GRIK1: variants seen among roughly 807,000 people sequenced by gnomAD.
GRIK1 encodes the protein glutamate receptor ionotropic, kainate 1.
GRIK1 carries 69 observed loss-of-function variants against 105.7 expected under a neutral mutation model. That is an observed-to-expected ratio of 0.65 (90% CI 0.54 to 0.80). The LOEUF (loss-of-function observed/expected upper bound fraction) is 0.80. Ranked by LOEUF, GRIK1 falls within the 30% of genes least tolerant of loss-of-function variation. GRIK1 has a pLI of 0.00. For synonymous variants in GRIK1, 438 were observed against 431.3 expected, an observed-to-expected ratio of 1.02 and a Z score of -0.19; for missense variants, 1,109 against 1,167.3, an observed-to-expected ratio of 0.95 and a Z score of 0.73.
chr21:29,601,219 C>G, intron 7 of GRIK1: 1 of 510,986 alleles, frequency 2.0e-6, no homozygotes, highest in Non-Finnish European at 3.9e-6. Context: ...TACTCTCTGC[C>G]TGACTGACAG....
chr21:29,736,557 A>T (rs2064796822), intron 1 of GRIK1, among the ~76,000 whole-genome samples: 1 of 151,552 alleles, frequency 6.6e-6, no homozygotes, highest in African/African-American at 2.4e-5. Flanking sequence ...AACCTTAAGG[A>T]TATGTTTCAT....
At chr21:29,715,825 T>C (rs1434825875) in intron 1 of GRIK1, among the ~76,000 whole-genome samples, 1 of 151,970 alleles carries the variant, frequency 6.6e-6, no homozygotes, top group Non-Finnish European at 1.5e-5. Context: ...TCAAGCACAA[T>C]GTTAAGTTCT....
chr21:29,596,536 A>G lies in GRIK1; in HGVS notation c.1241T>C (p.Val414Ala), dbSNP rs759131327. ...TGTCAGAGTACAAACCTTCTTCCAC[A>G]CTTTATACAAGTGTTTAGACACTTC... The part of the protein sequence containing the change: ...AGEVSKHLYK[V>A]WKKIGIWNSN... The change falls in exon 9 of 18, where the codon GTG becomes GCG. Residue 414 changes from valine (V) to alanine (A), a missense_variant. This residue lies in a region of GRIK1 where 612 missense variants were observed against 586.0 expected (regional missense o/e 1.04). Transcript: ENST00000327783. 4 of 1,609,082 alleles carry G rather than the reference A, an allele frequency of 2.5e-6. No individual in the cohort carries two copies. The highest frequency in any genetic ancestry group is 1.7e-6 in the Non-Finnish European group (2 of 1,175,444).
chr21:29,830,585 A>T (rs1276943554), intron 1 of GRIK1, among the ~76,000 whole-genome samples: 1 of 152,136 alleles, frequency 6.6e-6, no homozygotes, highest in Non-Finnish European at 1.5e-5. Flanking sequence ...CATGAAGCTC[A>T]GAGTCTTATA....
chr21:29,646,888 C>T (rs181767589), intron 6 of GRIK1, among the ~76,000 whole-genome samples: 1 of 151,810 alleles, frequency 6.6e-6, no homozygotes, highest in Non-Finnish European at 1.5e-5. Flanking sequence ...TCTTATTGCC[C>T]AGGCTAGAGT....
chr21:29,722,732 A>T (rs2064354623), intron 1 of GRIK1, among the ~76,000 whole-genome samples: 1 of 152,146 alleles, frequency 6.6e-6, no homozygotes, highest in Non-Finnish European at 1.5e-5. Context: ...AGAAAACAAA[A>T]ATATTATTAA....
At chr21:29,857,384 C>G (rs1462810343) in intron 1 of GRIK1, among the ~76,000 whole-genome samples, 1 of 152,176 alleles carries the variant, frequency 6.6e-6, no homozygotes, top group African/African-American at 2.4e-5. Flanking sequence ...GGCGAGAATG[C>G]AGGAGTCAGT....
intron 1 of GRIK1, among the ~76,000 whole-genome samples, chr21:29,784,000 T>G (rs1179018925): frequency 6.6e-6 from 1 of 152,172 alleles, no homozygotes; most frequent in East Asian, 1.9e-4. Context: ...TGGCGTGACC[T>G]TGGCTCACTG....
At chr21:29,901,656 G>T (rs1420896136) in intron 1 of GRIK1, among the ~76,000 whole-genome samples, 2 of 152,080 alleles carry the variant, frequency 1.3e-5, no homozygotes, top group Admixed American at 6.6e-5. Context: ...ATAATTAATA[G>T]CCTACCAACC....
chr21:29,564,190 C>G (rs896524760), intron 14 of GRIK1, among the ~76,000 whole-genome samples: 15 of 152,066 alleles, frequency 9.9e-5, no homozygotes, highest in Non-Finnish European at 1.8e-4. Flanking sequence ...CTCTGTCGCC[C>G]AGGCTGGAGT....
intron 6 of GRIK1, among the ~76,000 whole-genome samples, chr21:29,647,427 C>T (rs2062642268): frequency 6.6e-6 from 1 of 152,130 alleles, no homozygotes; most frequent in South Asian, 2.1e-4. Flanking sequence ...TTTCTTTCAT[C>T]GCTGGAGTAG....
At chr21:29,842,256 T>C (rs2068003828) in intron 1 of GRIK1, among the ~76,000 whole-genome samples, 1 of 152,164 alleles carries the variant, frequency 6.6e-6, no homozygotes, top group African/African-American at 2.4e-5. Flanking sequence ...ACCAGAAATG[T>C]AATACAGTTC....
intron 7 of GRIK1, among the ~76,000 whole-genome samples, chr21:29,600,818 A>G (rs149988941): frequency 6.6e-6 from 1 of 152,274 alleles, no homozygotes; most frequent in East Asian, 1.9e-4. Flanking sequence ...GGCTATTACT[A>G]TCTCACGTTT....
At position 29,795,870 on chromosome 21, in the gene GRIK1, C is replaced by T. The variant is rs375413860; in HGVS notation, c.119-101807G>A. On this transcript the variant is annotated intron_variant, in intron 1 of 17. Coordinates refer to ENST00000327783, the MANE Select transcript of GRIK1 (RefSeq NM_001330994.2). ...GCTATCAACTTTTTCTTTTTTTCTGCTTGTAAGTCTGTCTAACTTGTCTCA... is the reference window on the plus strand; with the variant it reads ...GCTATCAACTTTTTCTTTTTTTCTGTTTGTAAGTCTGTCTAACTTGTCTCA... Among the ~76,000 whole-genome samples the T allele has an allele frequency of 2.6e-5, 4 of 151,860 alleles. No individual in the cohort carries two copies. The East Asian group carries it at 7.7e-4, about 29-fold the overall frequency.
intron 4 of GRIK1, among the ~76,000 whole-genome samples, chr21:29,671,704 G>A (rs1242814417): frequency 1.3e-5 from 2 of 152,110 alleles, no homozygotes; most frequent in Non-Finnish European, 2.9e-5. Flanking sequence ...TTTAAACAAA[G>A]GAGTGCAATA....
At chr21:29,893,582 T>G (rs1403669026) in intron 1 of GRIK1, among the ~76,000 whole-genome samples, 3 of 152,242 alleles carry the variant, frequency 2.0e-5, no homozygotes, top group Non-Finnish European at 2.9e-5. Context: ...TTACCAGACT[T>G]AACCTTCAGC....
chr21:29,623,205 G>A (rs2062046813), intron 7 of GRIK1, among the ~76,000 whole-genome samples: 2 of 152,168 alleles, frequency 1.3e-5, no homozygotes, highest in Non-Finnish European at 2.9e-5. Flanking sequence ...CAGCAGGCAA[G>A]AGCGAGAGCA....
intron 1 of GRIK1, among the ~76,000 whole-genome samples, chr21:29,802,906 A>C (rs1182347581): frequency 6.6e-6 from 1 of 152,162 alleles, no homozygotes; most frequent in African/African-American, 2.4e-5. Context: ...TGAGGGAGGC[A>C]CTATATAACG....
chr21:29,583,730 A>G (rs1192837016), intron 12 of GRIK1, among the ~76,000 whole-genome samples: 1 of 152,204 alleles, frequency 6.6e-6, no homozygotes, highest in African/African-American at 2.4e-5. Flanking sequence ...TTTGTGGAGC[A>G]TGTGGTCTGG....
Sources: allele counts gnomAD v4.1 joint callset (sites outside exome capture counted in the v4.1 genomes callset), GRCh38; gene constraint gnomAD v4.1.1; regional missense constraint gnomAD v4.1.1; transcripts MANE v1.5; gene names NCBI Gene and HGNC (gene_info 2026-07-23, HGNC 2026-07-21).